Variants in HSD17B12 observed in about 807,000 individuals in gnomAD.
HSD17B12 encodes hydroxysteroid 17-beta dehydrogenase 12.
In HSD17B12, 32 loss-of-function variants were observed where a neutral mutation model predicts 39.3. The observed-to-expected ratio is 0.81, with a 90% confidence interval of 0.61 to 1.09. HSD17B12 has a LOEUF of 1.09. Ranked by LOEUF, HSD17B12 falls within the 50% of genes least tolerant of loss-of-function variation. HSD17B12 has a pLI of 0.00. For synonymous variants in HSD17B12, 150 were observed against 146.7 expected (o/e 1.02, Z -0.16); for missense variants, 342 against 382.9 (o/e 0.89, Z 0.89).
intron 4 of HSD17B12, chr11:43,806,404 C>T (rs1241880274): frequency 6.6e-6 from 1 of 152,072 alleles, no homozygotes; most frequent in Non-Finnish European, 1.5e-5. Context: ...TATTGCAGCA[C>T]TATTCACAGT....
At chr11:43,608,750 G>A in the HSD17B12 span, among the ~76,000 whole-genome samples, 1 of 152,080 alleles carries the variant, frequency 6.6e-6, no homozygotes, top group Non-Finnish European at 1.5e-5. Flanking sequence ...CTAAATCTTT[G>A]TGAGCATCCC....
chr11:43,694,426 T>A (rs1260944817), intron 1 of HSD17B12, among the ~76,000 whole-genome samples: 2 of 151,946 alleles, frequency 1.3e-5, no homozygotes, highest in African/African-American at 4.8e-5. Context: ...GTTGGCCAGG[T>A]GTGGTGGCTC....
chr11:43,578,698 TG>T, the HSD17B12 span, among the ~76,000 whole-genome samples: 2 of 122,454 alleles, frequency 1.6e-5, no homozygotes, highest in Non-Finnish European at 1.7e-5. Context: ...GAAATAGGGG[TG>T]GGGGGAGCGG....
At chr11:43,630,809 T>C in the HSD17B12 span, among the ~76,000 whole-genome samples, 6 of 151,248 alleles carry the variant, frequency 4.0e-5, no homozygotes, top group Admixed American at 2.6e-4. Context: ...TTCTTTCTTT[T>C]TTTTTTTTTT....
intron 1 of HSD17B12, among the ~76,000 whole-genome samples, chr11:43,744,943 C>G (rs1286762278): frequency 6.6e-6 from 1 of 152,242 alleles, no homozygotes; most frequent in Admixed American, 6.5e-5. Flanking sequence ...CGCCATTAGA[C>G]ATGTACTGCC....
intron 9 of HSD17B12, among the ~76,000 whole-genome samples, chr11:43,840,626 A>G (rs971425881): frequency 6.6e-6 from 1 of 152,098 alleles, no homozygotes; most frequent in African/African-American, 2.4e-5. Context: ...GGAATCATAC[A>G]GTATTTGATC....
chr11:43,620,837 T>G, the HSD17B12 span, among the ~76,000 whole-genome samples: 2 of 152,180 alleles, frequency 1.3e-5, no homozygotes, highest in Admixed American at 6.5e-5. Context: ...TTGCTTAAGT[T>G]ATAAAGACAT....
the HSD17B12 span, among the ~76,000 whole-genome samples, chr11:43,607,516 A>C: frequency 2.0e-5 from 3 of 152,202 alleles, no homozygotes; most frequent in Non-Finnish European, 4.4e-5. Flanking sequence ...GACACTCACT[A>C]TTTTATATGT....
Position 43,789,059 on chromosome 11 carries a change from T to C in HSD17B12, c.284-9261T>C, listed in dbSNP as rs117703496. On this transcript the variant is annotated intron_variant, in intron 3 of 10. Transcript: ENST00000278353. ...GCCATCCACAGGGATTCTTAAAACA[T>C]GCTGTTCGTTTTCTGCACTTTCTGG... is the stretch of plus-strand genomic sequence containing the variant. Among the ~76,000 whole-genome samples, 338 of 152,332 alleles carry C rather than the reference T, an allele frequency of 2.2e-3. 1 individual carries two copies. In the Middle Eastern group the frequency reaches 0.034, roughly 15 times the overall value.
At chr11:43,854,612 A>G in intron 9 of HSD17B12, 103 bp from the exon 10 acceptor site, 1 of 1,245,966 alleles carries the variant, frequency 8.0e-7, no homozygotes, top group Non-Finnish European at 1.1e-6. Context: ...GTAAAGATAC[A>G]GATGTTTCTA....
chr11:43,721,362 T>C (rs1030224935), intron 1 of HSD17B12, among the ~76,000 whole-genome samples: 4 of 152,022 alleles, frequency 2.6e-5, no homozygotes, highest in Non-Finnish European at 4.4e-5. Context: ...CTGATGCCTG[T>C]AATCTCAGCA....
chr11:43,812,602 G>T (rs1837287643), intron 4 of HSD17B12, among the ~76,000 whole-genome samples: 1 of 152,064 alleles, frequency 6.6e-6, no homozygotes, highest in Non-Finnish European at 1.5e-5. Flanking sequence ...TGAGTTCTTT[G>T]TATATTCTAG....
upstream of HSD17B12, among the ~76,000 whole-genome samples, chr11:43,678,914 G>C (rs547758339): frequency 6.6e-6 from 1 of 152,300 alleles, no homozygotes; most frequent in African/African-American, 2.4e-5. Flanking sequence ...ACTTGGCAAT[G>C]CGGGCTCTTT....
intron 1 of HSD17B12, among the ~76,000 whole-genome samples, chr11:43,705,758 CCTCTTTTTTTTT>C (rs1565056123): frequency 7.6e-5 from 8 of 104,750 alleles, no homozygotes; most frequent in South Asian, 3.1e-4. Flanking sequence ...TTTCCTCTCT[CCTCTTTTTTTTT>C]TTTTTTTTTT....
chr11:43,766,565 C>T (rs1950597567), intron 3 of HSD17B12, among the ~76,000 whole-genome samples: 1 of 152,204 alleles, frequency 6.6e-6, no homozygotes, highest in South Asian at 2.1e-4. Context: ...CATAGATTTC[C>T]TGGTAAATAT....
Position 43,759,587 on chromosome 11 carries a change from A to G in HSD17B12, c.283+5466A>G, listed in dbSNP as rs1259005415. On this transcript the variant is annotated intron_variant, in intron 3 of 10. Coordinates refer to ENST00000278353, the MANE Select transcript of HSD17B12 (RefSeq NM_016142.3). The stretch of plus-strand genomic sequence containing the variant: ...TAGAAATTTTTTTAACACTGAGCTG[A>G]GTTTTTATTTGCAATAAAGCATAAT... 2.6e-5 allele frequency among the ~76,000 whole-genome samples: 4 copies of G among 152,320 alleles called. No homozygotes were observed. In the East Asian group the frequency reaches 7.7e-4, roughly 29 times the overall value.
chr11:43,691,444 T>C (rs1316039557), intron 1 of HSD17B12, among the ~76,000 whole-genome samples: 3 of 152,222 alleles, frequency 2.0e-5, no homozygotes, highest in Non-Finnish European at 2.9e-5. Flanking sequence ...TGCTCCCTCA[T>C]CTCTAAGTCT....
rs543454278 is a variant in HSD17B12, at chr11:43,790,449, T to TC, written c.284-7864dup. 4.6e-5 allele frequency among the ~76,000 whole-genome samples: 7 copies of TC among 151,692 alleles called. No individual in the cohort carries two copies. In the South Asian group the frequency reaches 1.0e-3, roughly 23 times the overall value. On this transcript the variant is annotated intron_variant, in intron 3 of 10. Transcript: ENST00000278353. ...TTGTAGATATTGGCAGATAGAGGAG[T>TC]CCCCCCCGTGTCTGCAGGGGATATG... is the stretch of plus-strand genomic sequence containing the variant.
the HSD17B12 span, chr11:43,644,194 A>G: frequency 6.6e-6 from 1 of 152,224 alleles, no homozygotes; most frequent in East Asian, 1.9e-4. Context: ...GCACACTGGG[A>G]GTTGTAGGCC....
Sources: gnomAD v4.1 joint callset for allele counts (sites outside exome capture counted in the v4.1 genomes callset) on GRCh38, gnomAD v4.1.1 for gene constraint, MANE v1.5 for transcripts, NCBI Gene and HGNC (gene_info 2026-07-23, HGNC 2026-07-21) for gene names.